Variants in MTMR12 observed in about 807,000 individuals in gnomAD.
MTMR12 encodes myotubularin-related protein 12.
A neutral mutation model predicts 96.7 loss-of-function variants in MTMR12; 33 were observed. The ratio of observed to expected loss-of-function variants is 0.34; its 90% CI spans 0.26 to 0.46. The LOEUF (loss-of-function observed/expected upper bound fraction) is 0.46, where lower values mean the gene tolerates loss of function less well. MTMR12 is among the 20% of genes least tolerant of loss of function. The pLI, the probability that MTMR12 is intolerant of heterozygous loss-of-function variation, is 1.00. For missense variants in MTMR12, 721 were observed against 896.1 expected (o/e 0.80, Z 2.49); for synonymous variants, 298 against 327.2 (o/e 0.91, Z 0.96).
chr5:32,299,847 C>T (rs561714208), intron 1 of MTMR12, among the ~76,000 whole-genome samples: 4 of 152,362 alleles, frequency 2.6e-5, no homozygotes, highest in African/African-American at 9.6e-5. Context: ...CCTAACACAG[C>T]TATGAGCCTT....
intron 1 of MTMR12, among the ~76,000 whole-genome samples, chr5:32,281,248 T>TAAAAAAAA (rs72123716): frequency 1.9e-5 from 2 of 107,460 alleles, no homozygotes; most frequent in Non-Finnish European, 1.9e-5. Flanking sequence ...ACTCTATCAT[T>TAAAAAAAA]AAAAAAAAAA....
At position 32,233,496 on chromosome 5, in the gene MTMR12, ACAGG is replaced by A. The variant is rs1561736155; in HGVS notation, c.1674+273_1674+276del. Among the ~76,000 whole-genome samples, 2 of 151,802 alleles carry A rather than the reference ACAGG, an allele frequency of 1.3e-5. No individual in the cohort carries two copies. Among genetic ancestry groups the A allele is most frequent in the Non-Finnish European group, 2.9e-5 (2 of 67,976 alleles). ...CAAACACACACACACACACACACAC[ACAGG>A]CAGGACAAGAGGCACGATTCCATGG... On this transcript the variant is annotated intron_variant, in intron 15 of 15. Coordinates refer to ENST00000382142, the MANE Select transcript of MTMR12 (RefSeq NM_001040446.3). The surrounding 1 kb of genome is among the most constrained non-coding windows in gnomAD (Gnocchi z 5.0).
intron 1 of MTMR12, among the ~76,000 whole-genome samples, chr5:32,279,259 A>C (rs1750188284): frequency 2.0e-5 from 3 of 151,894 alleles, no homozygotes; most frequent in Non-Finnish European, 4.4e-5. Context: ...AACAAACAAA[A>C]AAATTAAAAA....
In MTMR12 at chr5:32,255,772, G is replaced by A. The variant is rs61748193; in HGVS notation, c.714-4C>T. 13,480 of 1,607,516 alleles carry A rather than the reference G, an allele frequency of 8.4e-3. 72 individuals carry two copies. Among genetic ancestry groups the A allele is most frequent in the Non-Finnish European group, 0.01 (12,057 of 1,176,936 alleles). ...GACAACAAAGTATGCTGGCAATCTA[G>A]AAGAAAGAAATGTCATCAAGTTTTA... On this transcript the variant is annotated splice_polypyrimidine_tract_variant and splice_region_variant and intron_variant, in intron 7 of 15. Coordinates refer to ENST00000382142, the MANE Select transcript of MTMR12 (RefSeq NM_001040446.3).
At chr5:32,272,014 G>T in intron 3 of MTMR12, 109 bp from the exon 4 acceptor site, 1 of 599,882 alleles carries the variant, frequency 1.7e-6, no homozygotes, top group Non-Finnish European at 2.7e-6. Flanking sequence ...ATGGGGGGCC[G>T]GGTGCAGTGG....
In MTMR12 at chr5:32,228,597, T is replaced by TATATATCAC. The variant is rs1554053424; in HGVS notation, c.*1180_*1181insGTGATATAT. 1.3e-5 allele frequency: 1 copy of TATATATCAC among 79,402 alleles called. No individual in the cohort carries two copies. The highest frequency in any genetic ancestry group is 2.9e-5 in the Non-Finnish European group (1 of 34,738). The allele number at this position is 79,402 out of a possible 1,614,324, so 4.9% of individuals were successfully genotyped here. A position where few individuals can be genotyped will look rare whatever the true frequency, so the allele number is the denominator to read the frequency against. On this transcript the variant is annotated 3_prime_UTR_variant, in exon 16 of 16. Transcript: ENST00000382142. ...ATATATATCATATATATGTGATATA[T>TATATATCAC]ATATATATATCATATATATGATATA...
intron 1 of MTMR12, among the ~76,000 whole-genome samples, chr5:32,298,850 G>A (rs1209016758): frequency 5.9e-5 from 9 of 151,808 alleles, no homozygotes; most frequent in Non-Finnish European, 1.2e-4. Flanking sequence ...CTACTCTGGA[G>A]GCTGAGGCAG....
intron 1 of MTMR12, among the ~76,000 whole-genome samples, chr5:32,294,615 T>C (rs1300335097): frequency 1.3e-5 from 2 of 152,152 alleles, no homozygotes; most frequent in African/African-American, 2.4e-5. Context: ...ATAGCACTTT[T>C]CACGCTGAAC....
intron 10 of MTMR12, among the ~76,000 whole-genome samples, chr5:32,246,805 A>G (rs1272632936): frequency 6.6e-6 from 1 of 152,198 alleles, no homozygotes; most frequent in Non-Finnish European, 1.5e-5. Context: ...TTTCAGCAGA[A>G]TTCATGTTGC....
At chr5:32,246,139 C>A (rs1351274698) in intron 10 of MTMR12, among the ~76,000 whole-genome samples, 2 of 150,006 alleles carry the variant, frequency 1.3e-5, no homozygotes, top group African/African-American at 4.9e-5. Context: ...CTGATCTGGG[C>A]ACAATGGTTT....
At position 32,230,197 on chromosome 5, in the gene MTMR12, AG is replaced by A. The variant is rs757947624; in HGVS notation, c.1824del (p.Arg610GlufsTer44). On this transcript the variant is annotated frameshift_variant, in exon 16 of 16. Transcript: ENST00000382142. LOFTEE classifies it high-confidence loss of function. ...LINSSDELQD[N>X]FREFYDSWHS... The stretch of plus-strand genomic sequence containing the variant: ...TGCCAGCTGTCATAGAACTCTCGAA[AG>A]TTGTCTTGGAGCTCATCAGAAGAAT... The A allele has an allele frequency of 1.2e-6, 2 of 1,614,212 alleles. No individual in the cohort carries two copies. The highest frequency in any genetic ancestry group is 1.7e-6 in the Non-Finnish European group (2 of 1,180,042).
chr5:32,250,504 G>C (rs888982148), intron 8 of MTMR12, among the ~76,000 whole-genome samples: 2 of 152,202 alleles, frequency 1.3e-5, no homozygotes, highest in African/African-American at 4.8e-5. Context: ...GCCATGCTAA[G>C]CGATGTGCAG....
At chr5:32,258,185 A>G (rs941081564) in intron 7 of MTMR12, among the ~76,000 whole-genome samples, 3 of 152,208 alleles carry the variant, frequency 2.0e-5, no homozygotes, top group Non-Finnish European at 4.4e-5. Context: ...AAAAGTTCCA[A>G]TAAGATTGTG....
intron 15 of MTMR12, among the ~76,000 whole-genome samples, chr5:32,231,790 A>G (rs1231926093): frequency 6.6e-6 from 1 of 152,154 alleles, no homozygotes; most frequent in Non-Finnish European, 1.5e-5. Flanking sequence ...CATCGTGAAG[A>G]TGTGTCAGGC....
At chr5:32,270,282 T>G (rs899529719) in intron 5 of MTMR12, among the ~76,000 whole-genome samples, 5 of 152,210 alleles carry the variant, frequency 3.3e-5, no homozygotes. Flanking sequence ...TTCACCTAGT[T>G]GCATATCTCA....
At chr5:32,241,017 T>C (rs969415277) in intron 12 of MTMR12, among the ~76,000 whole-genome samples, 1 of 152,202 alleles carries the variant, frequency 6.6e-6, no homozygotes, top group African/African-American at 2.4e-5. Context: ...AATTCAGTAG[T>C]CCATCCAGGA....
At chr5:32,291,287 T>G (rs1750729317) in intron 1 of MTMR12, among the ~76,000 whole-genome samples, 1 of 152,210 alleles carries the variant, frequency 6.6e-6, no homozygotes, top group Non-Finnish European at 1.5e-5. Context: ...AGGACAGCAG[T>G]GAAGGGAAAC....
intron 8 of MTMR12, among the ~76,000 whole-genome samples, chr5:32,251,612 T>C (rs915907834): frequency 3.9e-5 from 6 of 152,202 alleles, no homozygotes; most frequent in Non-Finnish European, 8.8e-5. Context: ...TCTTTAAATA[T>C]ACTTGGCAGT....
At chr5:32,259,195 A>G (rs991414664) in intron 7 of MTMR12, among the ~76,000 whole-genome samples, 1 of 152,210 alleles carries the variant, frequency 6.6e-6, no homozygotes, top group African/African-American at 2.4e-5. Flanking sequence ...GACTTTACTC[A>G]TGGAAAATTG....
Sources: allele counts gnomAD v4.1 joint callset (sites outside exome capture counted in the v4.1 genomes callset), GRCh38; gene constraint gnomAD v4.1.1; non-coding constraint Gnocchi (gnomAD v3.1); transcripts MANE v1.5; gene names NCBI Gene and HGNC (gene_info 2026-07-23, HGNC 2026-07-21).